ZNF385D: variants seen among roughly 807,000 people sequenced by gnomAD.
ZNF385D encodes the protein zinc finger protein 385D.
In ZNF385D, 15 loss-of-function variants were observed where a neutral mutation model predicts 35.8. That is an observed-to-expected ratio of 0.42 (90% confidence interval 0.28 to 0.64). ZNF385D has a LOEUF of 0.64. ZNF385D is among the 30% of genes least tolerant of loss of function. The pLI is 0.23. For missense variants in ZNF385D, 474 were observed against 494.6 expected, an observed-to-expected ratio of 0.96 and a Z score of 0.39; for synonymous variants, 212 against 186.8, an observed-to-expected ratio of 1.13 and a Z score of -1.10.
At chr3:22,241,932 C>T (rs1304969166) in intron 2 of ZNF385D, among the ~76,000 whole-genome samples, 1 of 150,562 alleles carries the variant, frequency 6.6e-6, no homozygotes, top group Non-Finnish European at 1.5e-5. Context: ...CTTCTTTAAA[C>T]AGAAGGGACA....
At chr3:21,489,896 C>G (rs1409867872) in intron 4 of ZNF385D, among the ~76,000 whole-genome samples, 2 of 152,094 alleles carry the variant, frequency 1.3e-5, no homozygotes, top group Non-Finnish European at 2.9e-5. Flanking sequence ...TTTCTGACTT[C>G]CTTCTTTGTC....
intron 3 of ZNF385D, among the ~76,000 whole-genome samples, chr3:21,965,932 T>C (rs1702888609): frequency 6.6e-6 from 1 of 152,166 alleles, no homozygotes; most frequent in Non-Finnish European, 1.5e-5. Context: ...AGGTAAAGTC[T>C]AGATAAGAGT....
intron 3 of ZNF385D, among the ~76,000 whole-genome samples, chr3:21,826,391 A>G (rs1222806078): frequency 6.6e-6 from 1 of 152,156 alleles, no homozygotes; most frequent in Non-Finnish European, 1.5e-5. Flanking sequence ...TAGTAGCTGA[A>G]CAGCCCTTAT....
chr3:21,990,854 G>T (rs1483947226), intron 3 of ZNF385D, among the ~76,000 whole-genome samples: 1 of 152,142 alleles, frequency 6.6e-6, no homozygotes, highest in Non-Finnish European at 1.5e-5. Context: ...TTTGAAAACA[G>T]AATGCTACAT....
At chr3:22,004,501 G>A (rs1350855291) in intron 3 of ZNF385D, among the ~76,000 whole-genome samples, 1 of 152,170 alleles carries the variant, frequency 6.6e-6, no homozygotes. Context: ...GACAACCTGT[G>A]GAATAGGAGA....
At chr3:22,064,026 A>G (rs2125547492) in intron 3 of ZNF385D, among the ~76,000 whole-genome samples, 1 of 152,326 alleles carries the variant, frequency 6.6e-6, no homozygotes, top group South Asian at 2.1e-4. Flanking sequence ...TTCCCAAGGA[A>G]TCCAAATTGT....
At chr3:21,749,904 G>A (rs1331488716) in intron 1 of ZNF385D, among the ~76,000 whole-genome samples, 1 of 152,158 alleles carries the variant, frequency 6.6e-6, no homozygotes, top group Non-Finnish European at 1.5e-5. Context: ...TCTGAAAGAA[G>A]ACGCTAGATT....
chr3:21,721,870 C>A (rs757804269), intron 1 of ZNF385D, among the ~76,000 whole-genome samples: 1 of 152,098 alleles, frequency 6.6e-6, no homozygotes, highest in Non-Finnish European at 1.5e-5. Context: ...GAGGCCCAGG[C>A]GGGTGGATCA....
chr3:21,622,705 G>T (rs1425161703), intron 2 of ZNF385D, among the ~76,000 whole-genome samples: 1 of 151,890 alleles, frequency 6.6e-6, no homozygotes, highest in African/African-American at 2.4e-5. Flanking sequence ...ATTTATATTG[G>T]TAATGATTAT....
chr3:21,659,454 T>C (rs1473853066), intron 2 of ZNF385D, among the ~76,000 whole-genome samples: 1 of 152,158 alleles, frequency 6.6e-6, no homozygotes, highest in Non-Finnish European at 1.5e-5. Flanking sequence ...TGTTGGCCTG[T>C]AATCAGTTGA....
intron 4 of ZNF385D, among the ~76,000 whole-genome samples, chr3:21,444,252 T>C (rs1382914905): frequency 6.6e-6 from 1 of 151,228 alleles, no homozygotes; most frequent in Non-Finnish European, 1.5e-5. Flanking sequence ...GCTAATTTTT[T>C]TGTATTTTTA....
At chr3:21,639,516 A>G (rs1171944520) in intron 2 of ZNF385D, among the ~76,000 whole-genome samples, 1 of 152,086 alleles carries the variant, frequency 6.6e-6, no homozygotes, top group Non-Finnish European at 1.5e-5. Flanking sequence ...ATGTCATTAA[A>G]TATTCTTTCA....
intron 3 of ZNF385D, chr3:21,979,580 C>A (rs185656358): frequency 1.3e-5 from 2 of 152,286 alleles, no homozygotes; most frequent in East Asian, 1.9e-4. Context: ...TCCTGCCTCA[C>A]TTCATTAAAC....
rs540734251 is a variant in ZNF385D, at chr3:21,459,926, G to T, written c.440-22723C>A. ...ATATGAAATTCTGTTCCACGTCCCA[G>T]ACTGATCACTTACAACCTCCCATGT... On this transcript the variant is annotated intron_variant, in intron 4 of 7. Transcript: ENST00000281523. Among the ~76,000 whole-genome samples the T allele has an allele frequency of 1.1e-4, 16 of 152,260 alleles. No individual in the cohort carries two copies. The East Asian group carries it at 3.1e-3, about 29-fold the overall frequency.
intron 2 of ZNF385D, among the ~76,000 whole-genome samples, chr3:21,636,595 T>G (rs2065458752): frequency 6.6e-6 from 1 of 151,464 alleles, no homozygotes; most frequent in Non-Finnish European, 1.5e-5. Context: ...TAAGCCAGTT[T>G]AGTCTTTTCA....
chr3:21,972,964 G>A (rs1054143476), intron 3 of ZNF385D, among the ~76,000 whole-genome samples: 5 of 151,858 alleles, frequency 3.3e-5, no homozygotes, highest in African/African-American at 1.2e-4. Context: ...GGACCCAGCG[G>A]CTTCATTGCT....
chr3:22,151,172 A>G (rs777948286), intron 3 of ZNF385D, among the ~76,000 whole-genome samples: 1 of 152,142 alleles, frequency 6.6e-6, no homozygotes, highest in Non-Finnish European at 1.5e-5. Context: ...TGATAGTTTC[A>G]TGGGGCAGGG....
intron 2 of ZNF385D, among the ~76,000 whole-genome samples, chr3:21,585,318 G>GT (rs2063778660): frequency 6.6e-6 from 1 of 151,406 alleles, no homozygotes; most frequent in Non-Finnish European, 1.5e-5. Context: ...GGAACTCTTA[G>GT]TGAGAGTTAC....
At chr3:22,290,346 T>C (rs1026364804) in intron 2 of ZNF385D, among the ~76,000 whole-genome samples, 19 of 152,264 alleles carry the variant, frequency 1.2e-4, no homozygotes, top group African/African-American at 3.6e-4. Context: ...AAGGAGCTAA[T>C]TGTCCACCTT....
Sources: gnomAD v4.1 joint callset for allele counts (sites outside exome capture counted in the v4.1 genomes callset) on GRCh38, gnomAD v4.1.1 for gene constraint, MANE v1.5 for transcripts, NCBI Gene and HGNC (gene_info 2026-07-23, HGNC 2026-07-21) for gene names.